The following VPS54 variants were observed in gnomAD, a reference collection of about 807,000 sequenced individuals.
VPS54 encodes vacuolar protein sorting-associated protein 54.
A neutral mutation model predicts 121.5 loss-of-function variants in VPS54; 45 were observed. The ratio of observed to expected loss-of-function variants is 0.37; its 90% CI spans 0.29 to 0.47. The LOEUF (loss-of-function observed/expected upper bound fraction) is 0.47. VPS54 is among the 20% of genes least tolerant of loss of function. The pLI is 0.99. For synonymous variants in VPS54, 371 were observed against 385.8 expected (o/e 0.96, Z 0.45); for missense variants, 1,090 against 1,131.4 (o/e 0.96, Z 0.52).
At chr2:63,969,861 T>C (rs1439919729) in intron 4 of VPS54, among the ~76,000 whole-genome samples, 1 of 152,098 alleles carries the variant, frequency 6.6e-6, no homozygotes, top group Non-Finnish European at 1.5e-5. Flanking sequence ...AGGAATATTG[T>C]TTTTATTGTT....
At position 64,019,100 on chromosome 2, in the gene VPS54, C is replaced by T. The variant is rs1282029946; in HGVS notation, c.-183G>A. The T allele has an allele frequency of 6.6e-6, 1 of 151,258 alleles. No homozygotes were observed. The highest frequency in any genetic ancestry group is 1.9e-4 in the South Asian group (1 of 5,292). The allele number at this position is 151,258 out of a possible 1,614,324, so 9.4% of individuals were successfully genotyped here. A position where few individuals can be genotyped will look rare whatever the true frequency, so the allele number is the denominator to read the frequency against. On this transcript the variant is annotated 5_prime_UTR_variant, in exon 1 of 23. Coordinates refer to ENST00000272322, the MANE Select transcript of VPS54 (RefSeq NM_016516.3). ...CCCCGCCCCGCGCCCGCTGGCCAGT[C>T]GGCCCGGGGAGCACAGGGCCGCCCT...
intron 1 of VPS54, among the ~76,000 whole-genome samples, chr2:64,017,021 TAAAAAAAAAAAAAA>T (rs777168254): frequency 2.0e-5 from 2 of 100,384 alleles, no homozygotes; most frequent in Admixed American, 2.2e-4. Context: ...TTTTGTTGAT[TAAAAAAAAAAAAAA>T]AAAAAAAAAG....
intron 1 of VPS54, among the ~76,000 whole-genome samples, chr2:63,986,563 T>G (rs1677062800): frequency 6.6e-6 from 1 of 152,252 alleles, no homozygotes; most frequent in Non-Finnish European, 1.5e-5. Context: ...ACTGCTGCAA[T>G]AAATATGGAT....
intron 1 of VPS54, among the ~76,000 whole-genome samples, chr2:63,994,317 C>CT (rs1313929557): frequency 6.6e-6 from 1 of 152,166 alleles, no homozygotes; most frequent in Non-Finnish European, 1.5e-5. Flanking sequence ...AATGATTCCC[C>CT]TCCTTATACT....
At chr2:64,005,853 G>A (rs1411762521) in intron 1 of VPS54, among the ~76,000 whole-genome samples, 3 of 152,162 alleles carry the variant, frequency 2.0e-5, no homozygotes, top group African/African-American at 4.8e-5. Context: ...GACCCTACAA[G>A]AGTCTGTGAA....
intron 1 of VPS54, among the ~76,000 whole-genome samples, chr2:64,008,472 C>A (rs968290778): frequency 4.0e-5 from 6 of 150,056 alleles, no homozygotes; most frequent in Non-Finnish European, 5.9e-5. Flanking sequence ...GAGTTACATA[C>A]ACACAGGAAT....
chr2:63,971,519 T>G (rs1315572620), intron 4 of VPS54, among the ~76,000 whole-genome samples: 2 of 152,202 alleles, frequency 1.3e-5, no homozygotes, highest in African/African-American at 4.8e-5. Flanking sequence ...GAATATTCTG[T>G]TCTCTCTTTA....
chr2:63,926,135 C>T (rs1673890539), intron 12 of VPS54, among the ~76,000 whole-genome samples: 1 of 152,182 alleles, frequency 6.6e-6, no homozygotes. Flanking sequence ...CTCCTTCCTG[C>T]TGCTACGGAT....
intron 20 of VPS54, among the ~76,000 whole-genome samples, chr2:63,907,642 AAGG>A (rs772527062): frequency 2.6e-5 from 4 of 152,198 alleles, no homozygotes; most frequent in Non-Finnish European, 4.4e-5. Context: ...CTGTTCATGA[AAGG>A]AGAAGACAAG....
intron 21 of VPS54, 51 bp from the exon 22 acceptor site, chr2:63,897,641 T>TAG: frequency 9.5e-7 from 1 of 1,054,118 alleles, no homozygotes; most frequent in African/African-American, 1.6e-5. Context: ...AAATAGAAGA[T>TAG]ATCTGAGTTA....
chr2:63,996,821 A>T (rs918529727), intron 1 of VPS54, among the ~76,000 whole-genome samples: 3 of 152,110 alleles, frequency 2.0e-5, no homozygotes, highest in Non-Finnish European at 4.4e-5. Context: ...TAGTAACCTC[A>T]TTAGTAATTC....
At chr2:63,917,479 G>A (rs527903085) in intron 15 of VPS54, among the ~76,000 whole-genome samples, 13 of 151,938 alleles carry the variant, frequency 8.6e-5, no homozygotes, top group Non-Finnish European at 1.6e-4. Context: ...CAACCCAGAC[G>A]TTACTTTATT....
intron 6 of VPS54, among the ~76,000 whole-genome samples, chr2:63,964,820 A>G (rs1253558793): frequency 6.6e-6 from 1 of 152,210 alleles, no homozygotes; most frequent in Non-Finnish European, 1.5e-5. Context: ...TCACTAAAGT[A>G]AAACAAAATC....
chr2:63,968,565 A>G (rs1007654495), intron 5 of VPS54, among the ~76,000 whole-genome samples: 5 of 152,018 alleles, frequency 3.3e-5, no homozygotes, highest in African/African-American at 1.2e-4. Flanking sequence ...TACAAAACAA[A>G]AAAAGTAGCT....
At chr2:63,924,762 C>G (rs776333139) in intron 12 of VPS54, among the ~76,000 whole-genome samples, 3 of 152,150 alleles carry the variant, frequency 2.0e-5, no homozygotes, top group Non-Finnish European at 2.9e-5. Context: ...AGTCCAGAAA[C>G]AGATACGCCT....
intron 11 of VPS54, among the ~76,000 whole-genome samples, chr2:63,939,189 T>C (rs1437590116): frequency 2.6e-5 from 4 of 152,070 alleles, no homozygotes; most frequent in African/African-American, 2.4e-5. Context: ...CTGGCCAACA[T>C]GGTGAAACCC....
At chr2:63,957,438 T>C (rs1421790399) in intron 7 of VPS54, among the ~76,000 whole-genome samples, 2 of 103,096 alleles carry the variant, frequency 1.9e-5, no homozygotes, top group African/African-American at 8.0e-5. Context: ...CAAGACTCCA[T>C]CTCAAAAAAA....
chr2:63,983,719 G>C lies in VPS54; in HGVS notation c.136+145C>G, dbSNP rs1055675500. 2.3e-5 allele frequency: 23 copies of C among 1,021,976 alleles called. No homozygotes were observed. In the South Asian group the frequency reaches 3.9e-4, roughly 17 times the overall value. 63.3% of individuals were successfully genotyped at this position (1,021,976 alleles called of 1,614,324 possible). On this transcript the variant is annotated intron_variant, in intron 2 of 22. Transcript: ENST00000272322. Reference sequence around the variant, plus strand: ...AGCCTCCCAAAGTGCTGGGATTACAGGCGTGAGCCACCGTGCCCGGCCCCC... The same window carrying C: ...AGCCTCCCAAAGTGCTGGGATTACACGCGTGAGCCACCGTGCCCGGCCCCC...
chr2:63,903,484 A>G (rs1356987584), intron 20 of VPS54, among the ~76,000 whole-genome samples: 1 of 142,142 alleles, frequency 7.0e-6, no homozygotes, highest in African/African-American at 3.0e-5. Flanking sequence ...TTTTTCATAA[A>G]AATGAGGATA....
Sources: gnomAD v4.1 joint callset for allele counts (sites outside exome capture counted in the v4.1 genomes callset) on GRCh38, gnomAD v4.1.1 for gene constraint, MANE v1.5 for transcripts, NCBI Gene and HGNC (gene_info 2026-07-23, HGNC 2026-07-21) for gene names.